The following MEOX2 variants were observed in gnomAD, a reference collection of about 807,000 sequenced individuals.
MEOX2 encodes mesenchyme homeobox 2.
In MEOX2, 11 loss-of-function variants were observed where a neutral mutation model predicts 27.0. That is an observed-to-expected ratio of 0.41 (90% CI 0.26 to 0.68). MEOX2 has a LOEUF of 0.68. Ranked by LOEUF, MEOX2 falls within the 30% of genes least tolerant of loss-of-function variation. MEOX2 has a pLI of 0.33. For synonymous variants in MEOX2, 189 were observed against 155.4 expected, an observed-to-expected ratio of 1.22 and a Z score of -1.61; for missense variants, 436 against 385.4, an observed-to-expected ratio of 1.13 and a Z score of -1.10.
chr7:15,631,617 C>T (rs541021149), intron 1 of MEOX2, among the ~76,000 whole-genome samples: 1 of 151,690 alleles, frequency 6.6e-6, no homozygotes, highest in Admixed American at 6.6e-5. Context: ...ATGTTTACAC[C>T]ACTCATTCTT....
Position 15,685,908 on chromosome 7 carries a change from G to T in MEOX2, c.495C>A (p.Gly165=). The change falls in exon 1 of 3, where the codon GGC becomes GGA. Residue 165 remains glycine (G), a synonymous_variant. Coordinates refer to ENST00000262041, the MANE Select transcript of MEOX2 (RefSeq NM_005924.5). The stretch of plus-strand genomic sequence containing the variant: ...TACCTGAGCTGTCGCTTTTCCTCTT[G>T]CCGCCGCTTCGCTTCTCCGCCTCCG... The part of the protein sequence containing the change: ...SPAEAEKRSG[G]KRKSDSSDSQ... 1 of 1,605,908 alleles carries T rather than the reference G, an allele frequency of 6.2e-7. No homozygotes were observed. Among genetic ancestry groups the T allele is most frequent in the Admixed American group, 1.7e-5 (1 of 59,530 alleles).
At chr7:15,655,915 G>C (rs908472928) in intron 1 of MEOX2, among the ~76,000 whole-genome samples, 4 of 151,604 alleles carry the variant, frequency 2.6e-5, no homozygotes, top group African/African-American at 9.7e-5. Flanking sequence ...CTACTTTTCT[G>C]TCTAGCTGTT....
intron 1 of MEOX2, among the ~76,000 whole-genome samples, chr7:15,634,068 T>A (rs919105360): frequency 5.3e-5 from 8 of 151,958 alleles, no homozygotes; most frequent in Non-Finnish European, 8.8e-5. Context: ...TCTATATTTA[T>A]AACGATATCT....
chr7:15,661,331 GC>G (rs773811178), intron 1 of MEOX2, among the ~76,000 whole-genome samples: 4 of 152,226 alleles, frequency 2.6e-5, no homozygotes, highest in South Asian at 4.1e-4. Context: ...TTAGCGCTAA[GC>G]TAATTATGGT....
intron 2 of MEOX2, among the ~76,000 whole-genome samples, chr7:15,613,366 A>G (rs1431172853): frequency 7.0e-6 from 1 of 142,540 alleles, no homozygotes; most frequent in Non-Finnish European, 1.5e-5. Flanking sequence ...ATAAATATAT[A>G]TATTTAAATA....
intron 2 of MEOX2, among the ~76,000 whole-genome samples, chr7:15,614,306 C>T (rs1781087250): frequency 6.6e-6 from 1 of 151,850 alleles, no homozygotes; most frequent in Admixed American, 6.6e-5. Flanking sequence ...CCCAGCTTCT[C>T]AGGAGGCTAG....
intron 1 of MEOX2, among the ~76,000 whole-genome samples, chr7:15,685,391 C>T (rs1782362302): frequency 6.6e-6 from 1 of 151,936 alleles, no homozygotes; most frequent in Admixed American, 6.5e-5. Flanking sequence ...CTCATGCGCT[C>T]TGCCAAGTTC....
chr7:15,649,516 CAG>C (rs1484421988), intron 1 of MEOX2, among the ~76,000 whole-genome samples: 2 of 151,962 alleles, frequency 1.3e-5, no homozygotes, highest in African/African-American at 2.4e-5. Context: ...CTAGAAAGGA[CAG>C]AGTTTCTGCT....
At chr7:15,635,485 ATCTTT>A (rs1395135107) in intron 1 of MEOX2, among the ~76,000 whole-genome samples, 1 of 152,024 alleles carries the variant, frequency 6.6e-6, no homozygotes, top group Non-Finnish European at 1.5e-5. Context: ...CCCTGTGCTC[ATCTTT>A]AACACAGACT....
intron 1 of MEOX2, among the ~76,000 whole-genome samples, chr7:15,683,332 A>G (rs1782322046): frequency 6.6e-6 from 1 of 152,060 alleles, no homozygotes; most frequent in East Asian, 1.9e-4. Context: ...AATGCAAAGT[A>G]ATTATAAACT....
chr7:15,620,767 C>T (rs1271502419), intron 2 of MEOX2, among the ~76,000 whole-genome samples: 1 of 152,076 alleles, frequency 6.6e-6, no homozygotes, highest in East Asian at 1.9e-4. Context: ...AGTATGATCT[C>T]GTTAGGTGGG....
At chr7:15,642,124 TCC>T (rs1781571787) in intron 1 of MEOX2, among the ~76,000 whole-genome samples, 1 of 152,164 alleles carries the variant, frequency 6.6e-6, no homozygotes, top group African/African-American at 2.4e-5. Flanking sequence ...TTGCAGGTAT[TCC>T]CTGCATTTCT....
At chr7:15,622,562 TG>T (rs1228279104) in intron 2 of MEOX2, among the ~76,000 whole-genome samples, 17 of 152,098 alleles carry the variant, frequency 1.1e-4, no homozygotes. Flanking sequence ...TTTTAACATA[TG>T]AAAAAAATAA....
intron 1 of MEOX2, among the ~76,000 whole-genome samples, chr7:15,677,242 T>C (rs1174581394): frequency 2.6e-5 from 4 of 152,216 alleles, no homozygotes; most frequent in African/African-American, 9.6e-5. Context: ...TGTACATTCA[T>C]TGATAGATGA....
At chr7:15,616,108 A>T (rs1322843694) in intron 2 of MEOX2, among the ~76,000 whole-genome samples, 2 of 151,872 alleles carry the variant, frequency 1.3e-5, no homozygotes, top group East Asian at 3.8e-4. Flanking sequence ...TGCCAACAGT[A>T]GCTACATGTA....
chr7:15,660,116 A>G (rs1199596723), intron 1 of MEOX2, among the ~76,000 whole-genome samples: 1 of 152,240 alleles, frequency 6.6e-6, no homozygotes, highest in Non-Finnish European at 1.5e-5. Context: ...CTCCTGAACT[A>G]GATCTTAAAG....
intron 1 of MEOX2, among the ~76,000 whole-genome samples, chr7:15,654,096 G>C (rs1781783042): frequency 6.6e-6 from 1 of 151,816 alleles, no homozygotes; most frequent in Non-Finnish European, 1.5e-5. Context: ...GCATTTTGTA[G>C]TTTTCTGCAT....
chr7:15,663,464 T>C (rs1257547802), intron 1 of MEOX2, among the ~76,000 whole-genome samples: 1 of 151,520 alleles, frequency 6.6e-6, no homozygotes, highest in East Asian at 2.0e-4. Flanking sequence ...TCCTGAGTAG[T>C]TGGGGTTACA....
chr7:15,666,766 AAAAAAAAAAAAAAAT>A (rs1429682153), intron 1 of MEOX2, among the ~76,000 whole-genome samples: 12 of 79,928 alleles, frequency 1.5e-4, no homozygotes, highest in South Asian at 8.3e-4. Context: ...AAAAAAAAAA[AAAAAAAAAAAAAAAT>A]ATATATATAT....
Sources: gnomAD v4.1 joint callset for allele counts (sites outside exome capture counted in the v4.1 genomes callset) on GRCh38, gnomAD v4.1.1 for gene constraint, MANE v1.5 for transcripts, NCBI Gene and HGNC (gene_info 2026-07-23, HGNC 2026-07-21) for gene names.